Variants in LHFPL2 observed in about 807,000 individuals in gnomAD.
LHFPL2 encodes LHFPL tetraspan subfamily member 2 protein.
A neutral mutation model predicts 17.5 loss-of-function variants in LHFPL2; 7 were observed. That is an observed-to-expected ratio of 0.40 (90% CI 0.23 to 0.75). LHFPL2 has a LOEUF of 0.75. LHFPL2 is among the 30% of genes least tolerant of loss of function. The probability of loss-of-function intolerance (pLI) is 0.37; values close to 1 mark genes in which losing one functional copy is unlikely to be tolerated. For synonymous variants in LHFPL2, 134 were observed against 116.2 expected (o/e 1.15, Z -0.99); for missense variants, 241 against 294.8 (o/e 0.82, Z 1.34).
intron 2 of LHFPL2, among the ~76,000 whole-genome samples, chr5:78,568,813 A>G (rs1756924105): frequency 6.6e-6 from 1 of 152,128 alleles, no homozygotes. Context: ...CAAGAATGGG[A>G]GCTTCATGGC....
chr5:78,567,858 G>A (rs932055048), intron 2 of LHFPL2, among the ~76,000 whole-genome samples: 1 of 152,172 alleles, frequency 6.6e-6, no homozygotes, highest in Non-Finnish European at 1.5e-5. Context: ...ATAAGGGCTG[G>A]CTTCCTCAAA....
At chr5:78,637,286 T>C (rs1745485081) in intron 1 of LHFPL2, among the ~76,000 whole-genome samples, 1 of 150,610 alleles carries the variant, frequency 6.6e-6, no homozygotes, top group Non-Finnish European at 1.5e-5. Flanking sequence ...ATAGGGTATG[T>C]GGGAAAATGC....
intron 2 of LHFPL2, among the ~76,000 whole-genome samples, chr5:78,572,201 C>T (rs547769246): frequency 3.4e-4 from 52 of 152,030 alleles, no homozygotes; most frequent in African/African-American, 1.3e-3. Context: ...ACTGAAGTCA[C>T]CTATGAAGTT....
At chr5:78,535,141 C>T (rs975056106) in intron 3 of LHFPL2, among the ~76,000 whole-genome samples, 1 of 152,212 alleles carries the variant, frequency 6.6e-6, no homozygotes, top group African/African-American at 2.4e-5. Flanking sequence ...AATGAGGCTT[C>T]ATCTGAACCC....
intron 1 of LHFPL2, among the ~76,000 whole-genome samples, chr5:78,638,137 G>C (rs1225585689): frequency 1.3e-5 from 2 of 152,140 alleles, no homozygotes; most frequent in South Asian, 2.1e-4. Flanking sequence ...GGTGGATCAC[G>C]AGGTCAGGAG....
chr5:78,584,280 G>A (rs1238779340), intron 2 of LHFPL2, among the ~76,000 whole-genome samples: 4 of 152,156 alleles, frequency 2.6e-5, no homozygotes, highest in Non-Finnish European at 4.4e-5. Context: ...TCTTCTCTCA[G>A]CTCGTCAAAG....
At position 78,513,142 on chromosome 5, in the gene LHFPL2, A is replaced by C. The variant is rs60335230; in HGVS notation, c.-185-2744T>G. ...AACCTCTCGGGTGACTTGTATCTTA[A>C]TGACTACTCGAGTGTCCACTGCCCT... On this transcript the variant is annotated intron_variant, in intron 3 of 4. Coordinates refer to ENST00000380345, the MANE Select transcript of LHFPL2 (RefSeq NM_005779.3). 2.0e-5 allele frequency among the ~76,000 whole-genome samples: 3 copies of C among 152,008 alleles called. No individual in the cohort carries two copies. The East Asian group carries it at 5.8e-4, about 29-fold the overall frequency.
At chr5:78,545,886 C>A (rs1756256419) in intron 3 of LHFPL2, among the ~76,000 whole-genome samples, 1 of 152,180 alleles carries the variant, frequency 6.6e-6, no homozygotes, top group South Asian at 2.1e-4. Flanking sequence ...CAAGGGCAGA[C>A]CCTCAAAAAG....
intron 1 of LHFPL2, chr5:78,644,277 T>C (rs1745786472): frequency 1.2e-6 from 1 of 856,308 alleles, no homozygotes; most frequent in Non-Finnish European, 1.9e-6. Context: ...TTATTCATCA[T>C]CATCTTCATC....
intron 3 of LHFPL2, among the ~76,000 whole-genome samples, chr5:78,526,960 C>A (rs931885715): frequency 6.6e-6 from 1 of 152,120 alleles, no homozygotes; most frequent in Non-Finnish European, 1.5e-5. Context: ...TGGAAGGACC[C>A]AATAGGTAGT....
intron 3 of LHFPL2, among the ~76,000 whole-genome samples, chr5:78,522,181 C>T (rs923660339): frequency 6.6e-6 from 1 of 152,154 alleles, no homozygotes; most frequent in Non-Finnish European, 1.5e-5. Context: ...TGTTGGCTCA[C>T]AGCTGTAATC....
chr5:78,603,379 G>C (rs1378638909), intron 2 of LHFPL2, among the ~76,000 whole-genome samples: 1 of 152,142 alleles, frequency 6.6e-6, no homozygotes, highest in East Asian at 1.9e-4. Flanking sequence ...AGTAAAAAGG[G>C]TTTAAACCTC....
intron 2 of LHFPL2, chr5:78,625,665 C>G (rs992072050): frequency 1.1e-4 from 16 of 152,208 alleles, no homozygotes; most frequent in African/African-American, 2.9e-4. Flanking sequence ...ACAAATATCT[C>G]AGAGAGAGCA....
Position 78,488,765 on chromosome 5 carries a change from C to G in LHFPL2, c.*132G>C. ...TAGCTGGATGTGGCCTCTCATTGGT[C>G]CTGTTTAAGCCTCGGGCCGTGGAAC... is the stretch of plus-strand genomic sequence containing the variant. On this transcript the variant is annotated 3_prime_UTR_variant, in exon 5 of 5. Transcript: ENST00000380345. 1 of 980,094 alleles carries G rather than the reference C, an allele frequency of 1.0e-6. No individual in the cohort carries two copies. The highest frequency in any genetic ancestry group is 1.5e-6 in the Non-Finnish European group (1 of 648,898). 60.7% of individuals were successfully genotyped at this position (980,094 alleles called of 1,614,324 possible).
intron 4 of LHFPL2, among the ~76,000 whole-genome samples, chr5:78,506,259 T>C (rs1754927921): frequency 6.6e-6 from 1 of 152,268 alleles, no homozygotes; most frequent in Non-Finnish European, 1.5e-5. Flanking sequence ...GCCTGTGGCC[T>C]ATTTATATCT....
chr5:78,637,135 A>G (rs1745476744), intron 1 of LHFPL2, among the ~76,000 whole-genome samples: 1 of 152,176 alleles, frequency 6.6e-6, no homozygotes, highest in Non-Finnish European at 1.5e-5. Context: ...CAGACCTATG[A>G]AGCCAAAACC....
At chr5:78,636,918 G>C (rs376857269) in intron 1 of LHFPL2, among the ~76,000 whole-genome samples, 2 of 151,102 alleles carry the variant, frequency 1.3e-5, no homozygotes, top group African/African-American at 4.9e-5. Context: ...GATCCAATGG[G>C]ACAGAAGACA....
In LHFPL2 at chr5:78,615,914, C is replaced by T. The variant is rs140408598; in HGVS notation, c.-245+16350G>A. 3.3e-3 allele frequency among the ~76,000 whole-genome samples: 509 copies of T among 152,228 alleles called. 4 individuals carry two copies. The highest frequency in any genetic ancestry group is 0.012 in the African/African-American group (495 of 41,532). Reference sequence around the variant, plus strand: ...AGTCACAGGTGACTCACCCAGATGACTCCACAGAAGAGAGGTTACCTTTGC... The same window carrying T: ...AGTCACAGGTGACTCACCCAGATGATTCCACAGAAGAGAGGTTACCTTTGC... On this transcript the variant is annotated intron_variant, in intron 2 of 4. Transcript: ENST00000380345.
intron 2 of LHFPL2, among the ~76,000 whole-genome samples, chr5:78,570,478 AC>A (rs1756968057): frequency 6.6e-6 from 1 of 151,776 alleles, no homozygotes; most frequent in Non-Finnish European, 1.5e-5. Context: ...ACCTCTGTGA[AC>A]TCCTTCTATT....
Sources: allele counts gnomAD v4.1 joint callset (sites outside exome capture counted in the v4.1 genomes callset), GRCh38; gene constraint gnomAD v4.1.1; transcripts MANE v1.5; gene names NCBI Gene and HGNC (gene_info 2026-07-23, HGNC 2026-07-21).